LAMA2: variants seen among roughly 807,000 people sequenced by gnomAD.
LAMA2 encodes laminin subunit alpha 2, also known as laminin subunit alpha-2.
In LAMA2, 269 loss-of-function variants were observed where a neutral mutation model predicts 364.8. The ratio of observed to expected loss-of-function variants is 0.74; its 90% CI spans 0.67 to 0.82. The LOEUF (loss-of-function observed/expected upper bound fraction) is 0.82, where lower values mean the gene tolerates loss of function less well. Ranked by LOEUF, LAMA2 falls within the 40% of genes least tolerant of loss-of-function variation. LAMA2 has a pLI of 0.00. For missense variants in LAMA2, 3,807 were observed against 3,873.2 expected, an observed-to-expected ratio of 0.98 and a Z score of 0.45; for synonymous variants, 1,379 against 1,370.6, an observed-to-expected ratio of 1.01 and a Z score of -0.14.
At chr6:128,960,545 A>C (rs183195780) in intron 1 of LAMA2, among the ~76,000 whole-genome samples, 1 of 150,486 alleles carries the variant, frequency 6.6e-6, no homozygotes. Flanking sequence ...TTTTTAGTAG[A>C]GATGGGGTTT....
chr6:129,424,908 ATG>A (rs1215783239), intron 40 of LAMA2, among the ~76,000 whole-genome samples: 1 of 151,916 alleles, frequency 6.6e-6, no homozygotes, highest in Non-Finnish European at 1.5e-5. Flanking sequence ...TTGTACACAG[ATG>A]TGTACATATC....
intron 7 of LAMA2, among the ~76,000 whole-genome samples, chr6:129,150,882 GAC>G (rs1778753060): frequency 6.6e-6 from 1 of 151,998 alleles, no homozygotes; most frequent in Non-Finnish European, 1.5e-5. Flanking sequence ...TCCATGACAT[GAC>G]AAATCCCTCC....
chr6:129,302,843 A>G (rs184881113), intron 22 of LAMA2, among the ~76,000 whole-genome samples: 2 of 152,254 alleles, frequency 1.3e-5, no homozygotes, highest in African/African-American at 2.4e-5. Context: ...ACTAGTTAAT[A>G]TGTTAATTAT....
chr6:129,388,281 A>T (rs1779136501), intron 35 of LAMA2, among the ~76,000 whole-genome samples: 1 of 151,910 alleles, frequency 6.6e-6, no homozygotes, highest in African/African-American at 2.4e-5. Flanking sequence ...AAAACAAACA[A>T]ACAAAAAACT....
At chr6:129,232,134 A>T (rs1041299512) in intron 12 of LAMA2, among the ~76,000 whole-genome samples, 4 of 152,166 alleles carry the variant, frequency 2.6e-5, no homozygotes, top group African/African-American at 9.6e-5. Flanking sequence ...TTGGCAGAAT[A>T]TTATCATCAT....
At chr6:128,965,158 C>T (rs1454147173) in intron 1 of LAMA2, among the ~76,000 whole-genome samples, 1 of 151,948 alleles carries the variant, frequency 6.6e-6, no homozygotes, top group East Asian at 1.9e-4. Flanking sequence ...ATTAATCTTA[C>T]TCCAAATATA....
intron 1 of LAMA2, chr6:128,930,017 G>T: frequency 2.0e-6 from 1 of 498,706 alleles, no homozygotes; most frequent in South Asian, 2.1e-5. Context: ...TGCCAGCCTC[G>T]GCGTTGCAGA....
At chr6:129,288,209 G>T (rs907249903) in intron 19 of LAMA2, 151 bp downstream of exon 19, 3 of 735,634 alleles carry the variant, frequency 4.1e-6, no homozygotes, top group Non-Finnish European at 4.9e-6. Context: ...GCATATTCCA[G>T]AACATTTCCT....
At chr6:129,267,022 G>A in intron 15 of LAMA2, 84 bp from the exon 16 acceptor site, 1 of 870,866 alleles carries the variant, frequency 1.1e-6, no homozygotes, top group Non-Finnish European at 2.0e-6. Flanking sequence ...GTTATTTTCT[G>A]TTATCAGAAA....
intron 7 of LAMA2, 65 bp from the exon 8 acceptor site, chr6:129,154,440 G>A: frequency 7.0e-7 from 1 of 1,429,238 alleles, no homozygotes; most frequent in Non-Finnish European, 9.8e-7. Context: ...ATGTATAACA[G>A]AAATGATTTT....
intron 48 of LAMA2, 118 bp downstream of exon 48, chr6:129,456,612 C>G (rs1782977407): frequency 3.1e-6 from 3 of 953,934 alleles, no homozygotes; most frequent in African/African-American, 3.2e-5. Flanking sequence ...ACTTAACTTG[C>G]ATTTATGAAA....
At chr6:129,430,264 G>A (rs530556047) in intron 41 of LAMA2, among the ~76,000 whole-genome samples, 11 of 152,116 alleles carry the variant, frequency 7.2e-5, no homozygotes, top group Non-Finnish European at 1.3e-4. Context: ...TCTCTATGGT[G>A]CCTGGAGTTA....
chr6:128,918,404 T>TA (rs1412772812), intron 1 of LAMA2, among the ~76,000 whole-genome samples: 1 of 152,156 alleles, frequency 6.6e-6, no homozygotes, highest in Non-Finnish European at 1.5e-5. Context: ...ATTTTTATCA[T>TA]AAAAATCTAC....
intron 51 of LAMA2, among the ~76,000 whole-genome samples, chr6:129,471,292 T>A (rs1270605545): frequency 6.6e-6 from 1 of 151,962 alleles, no homozygotes; most frequent in African/African-American, 2.4e-5. Context: ...TCATGAAGGA[T>A]AGAGTAAAGC....
chr6:129,014,487 C>G (rs1784959369), intron 1 of LAMA2, among the ~76,000 whole-genome samples: 1 of 152,102 alleles, frequency 6.6e-6, no homozygotes, highest in Non-Finnish European at 1.5e-5. Context: ...ATCCTATTCT[C>G]CAGATTTCAG....
intron 29 of LAMA2, among the ~76,000 whole-genome samples, chr6:129,337,465 C>T (rs555574485): frequency 1.3e-5 from 2 of 152,208 alleles, no homozygotes; most frequent in Admixed American, 1.3e-4. Context: ...CTTCAGAAGG[C>T]AGAACTTGGA....
At chr6:128,982,323 T>A (rs746872031) in intron 1 of LAMA2, among the ~76,000 whole-genome samples, 1 of 152,206 alleles carries the variant, frequency 6.6e-6, no homozygotes, top group Admixed American at 6.5e-5. Context: ...ACATACCTAC[T>A]GTGTATCTAT....
intron 1 of LAMA2, among the ~76,000 whole-genome samples, chr6:128,958,842 A>G (rs1781305048): frequency 6.6e-6 from 1 of 152,126 alleles, no homozygotes. Context: ...TGTTTCTTCT[A>G]GCATTTACCC....
At chr6:128,986,703 T>C (rs1473843719) in intron 1 of LAMA2, among the ~76,000 whole-genome samples, 1 of 152,130 alleles carries the variant, frequency 6.6e-6, no homozygotes, top group Non-Finnish European at 1.5e-5. Context: ...AGCATCCCAC[T>C]AGGCATCTAC....
Sources: allele counts gnomAD v4.1 joint callset (sites outside exome capture counted in the v4.1 genomes callset), GRCh38; gene constraint gnomAD v4.1.1; transcripts MANE v1.5; gene names NCBI Gene and HGNC (gene_info 2026-07-23, HGNC 2026-07-21).